The following ADAMTS18 variants were observed in gnomAD, a reference collection of about 807,000 sequenced individuals.
ADAMTS18 encodes the protein A disintegrin and metalloproteinase with thrombospondin motifs 18.
Under a neutral mutation model 165.9 loss-of-function variants are expected in ADAMTS18, and 157 were observed. The ratio of observed to expected loss-of-function variants is 0.95; its 90% CI spans 0.83 to 1.08. The LOEUF is 1.08. ADAMTS18 is among the 50% of genes least tolerant of loss of function. The probability of loss-of-function intolerance (pLI) is 0.00; values close to 1 mark genes in which losing one functional copy is unlikely to be tolerated. For missense variants in ADAMTS18, 2,040 were observed against 1,534.0 expected, an observed-to-expected ratio of 1.33 and a Z score of -5.51; for synonymous variants, 782 against 578.2, an observed-to-expected ratio of 1.35 and a Z score of -5.06.
chr16:77,358,088 A>G (rs929096782), intron 8 of ADAMTS18, among the ~76,000 whole-genome samples: 11 of 152,214 alleles, frequency 7.2e-5, no homozygotes, highest in African/African-American at 2.7e-4. Context: ...TTGTATGAGA[A>G]GCATTGTTCT....
chr16:77,289,747 T>A (rs1234413640), intron 21 of ADAMTS18, among the ~76,000 whole-genome samples: 1 of 152,170 alleles, frequency 6.6e-6, no homozygotes, highest in East Asian at 1.9e-4. Context: ...AGGGAGTTAA[T>A]CACAGGATTT....
At chr16:77,369,514 G>A (rs997727900) in intron 3 of ADAMTS18, among the ~76,000 whole-genome samples, 21 of 152,012 alleles carry the variant, frequency 1.4e-4, no homozygotes, top group Non-Finnish European at 8.8e-5. Flanking sequence ...GAGAAATCCT[G>A]GACAAACACA....
chr16:77,377,559 A>G (rs1231150049), intron 3 of ADAMTS18, among the ~76,000 whole-genome samples: 1 of 152,254 alleles, frequency 6.6e-6, no homozygotes, highest in Non-Finnish European at 1.5e-5. Flanking sequence ...AAACAGCCCC[A>G]TGGGCAGTAT....
intron 3 of ADAMTS18, among the ~76,000 whole-genome samples, chr16:77,387,017 G>T (rs544746262): frequency 6.6e-6 from 1 of 152,294 alleles, no homozygotes; most frequent in Admixed American, 6.5e-5. Flanking sequence ...CCAAACAGAT[G>T]CTGGGGATGA....
rs532725373 is a variant in ADAMTS18 at position 77,400,535 on chromosome 16, G to A, written c.495+30760C>T. 5.7e-4 allele frequency among the ~76,000 whole-genome samples: 85 copies of A among 149,740 alleles called. 1 individual carries two copies. Among genetic ancestry groups the A allele is most frequent in the African/African-American group, 2.0e-3 (81 of 40,740 alleles). The stretch of plus-strand genomic sequence containing the variant: ...CTCGCTCTGTCGCCCAGGCTGGAGC[G>A]CAGTGGTGCAATCTCAGCTCACTGC... On this transcript the variant is annotated intron_variant, in intron 3 of 22. Coordinates refer to ENST00000282849, the MANE Select transcript of ADAMTS18 (RefSeq NM_199355.4).
At chr16:77,378,566 T>C (rs2056986936) in intron 3 of ADAMTS18, among the ~76,000 whole-genome samples, 1 of 151,594 alleles carries the variant, frequency 6.6e-6, no homozygotes, top group African/African-American at 2.4e-5. Flanking sequence ...AATACAAAAA[T>C]TACCCAAGCA....
chr16:77,294,352 G>A (rs1358465836), intron 19 of ADAMTS18, among the ~76,000 whole-genome samples: 2 of 152,210 alleles, frequency 1.3e-5, no homozygotes, highest in South Asian at 2.1e-4. Context: ...CCCAAGTTGT[G>A]ACATCAAAAT....
intron 3 of ADAMTS18, among the ~76,000 whole-genome samples, chr16:77,376,094 G>T (rs541497716): frequency 6.6e-6 from 1 of 151,772 alleles, no homozygotes; most frequent in South Asian, 2.1e-4. Flanking sequence ...GTAAAGACGG[G>T]GTTTCTCCAT....
At position 77,386,215 on chromosome 16, in the gene ADAMTS18, T is replaced by C. The variant is rs144814401; in HGVS notation, c.496-18492A>G. 9.1e-4 allele frequency among the ~76,000 whole-genome samples: 138 copies of C among 152,324 alleles called. 1 individual carries two copies. Among genetic ancestry groups the C allele is most frequent in the African/African-American group, 3.3e-3 (136 of 41,566 alleles). ...GTAAAAGTGTTTTGATGCTGCTGCA[T>C]ATTGTCAGAGCCCAGTTAAGGGGCT... On this transcript the variant is annotated intron_variant, in intron 3 of 22. Transcript: ENST00000282849.
intron 10 of ADAMTS18, among the ~76,000 whole-genome samples, chr16:77,345,265 G>A (rs775580876): frequency 6.6e-6 from 1 of 152,026 alleles, no homozygotes; most frequent in African/African-American, 2.4e-5. Context: ...CAAAATAAAA[G>A]TTCTTCATTG....
In ADAMTS18 at chr16:77,431,569, G is replaced by A. The variant is rs752265342; in HGVS notation, c.221C>T (p.Ser74Leu). 2.5e-6 allele frequency: 4 copies of A among 1,613,982 alleles called. No individual in the cohort carries two copies. Among genetic ancestry groups the A allele is most frequent in the Admixed American group, 3.3e-5 (2 of 59,988 alleles). The change falls in exon 3 of 23, where the codon TCA (serine) becomes TTA (leucine). Residue 74 changes from serine to leucine, a missense_variant. By Grantham distance (145) the Ser-to-Leu change is moderately radical (BLOSUM62 -2). Transcript: ENST00000282849. The stretch of plus-strand genomic sequence containing the variant: ...GTGCAAAATGTCGTGTGAAATATAT[G>A]ACCCGGCTGAGTCTACTTCTACTGG... ...VTPVEVDSAG[S>L]YISHDILHNG...
intron 3 of ADAMTS18, among the ~76,000 whole-genome samples, chr16:77,384,196 G>T (rs1002526220): frequency 1.3e-5 from 2 of 152,160 alleles, no homozygotes; most frequent in African/African-American, 4.8e-5. Context: ...ATAAAAACAA[G>T]CAAGACTTCA....
At chr16:77,373,796 C>T (rs978364977) in intron 3 of ADAMTS18, among the ~76,000 whole-genome samples, 1 of 152,184 alleles carries the variant, frequency 6.6e-6, no homozygotes, top group African/African-American at 2.4e-5. Flanking sequence ...TTATGTCTAT[C>T]TTCAATAAGG....
intron 16 of ADAMTS18, among the ~76,000 whole-genome samples, chr16:77,301,120 C>A (rs2055574405): frequency 6.6e-6 from 1 of 152,134 alleles, no homozygotes; most frequent in South Asian, 2.1e-4. Context: ...AAAAAGGCAA[C>A]AACTTAGGAT....
chr16:77,367,387 A>G, intron 4 of ADAMTS18, 54 bp downstream of exon 4: 1 of 1,610,508 alleles, frequency 6.2e-7, no homozygotes, highest in Non-Finnish European at 8.5e-7. Context: ...AGCACTCAGG[A>G]AAACCTGTCG....
intron 2 of ADAMTS18, among the ~76,000 whole-genome samples, chr16:77,432,104 G>C (rs1567562830): frequency 6.6e-6 from 1 of 152,178 alleles, no homozygotes; most frequent in Non-Finnish European, 1.5e-5. Flanking sequence ...TACATTTCAA[G>C]TCCTAACTCA....
intron 12 of ADAMTS18, among the ~76,000 whole-genome samples, chr16:77,327,767 A>C (rs896912942): frequency 3.9e-5 from 6 of 152,190 alleles, no homozygotes; most frequent in African/African-American, 1.4e-4. Flanking sequence ...GAAGCTGTTC[A>C]AACATGGACC....
At chr16:77,293,044 C>A in intron 20 of ADAMTS18, 32 bp downstream of exon 20, 1 of 1,613,422 alleles carries the variant, frequency 6.2e-7, no homozygotes, top group Non-Finnish European at 8.5e-7. Context: ...TGGTCTCAAT[C>A]TCCTGACCCA....
intron 17 of ADAMTS18, among the ~76,000 whole-genome samples, chr16:77,299,759 T>C (rs1423916170): frequency 1.3e-5 from 2 of 152,202 alleles, no homozygotes; most frequent in African/African-American, 2.4e-5. Context: ...GTCTCAGATT[T>C]AATCCATTCC....
Sources: allele counts gnomAD v4.1 joint callset (sites outside exome capture counted in the v4.1 genomes callset), GRCh38; gene constraint gnomAD v4.1.1; transcripts MANE v1.5; gene names NCBI Gene and HGNC (gene_info 2026-07-23, HGNC 2026-07-21).